CTPS1: variants seen among roughly 807,000 people sequenced by gnomAD.
The protein encoded by CTPS1 is CTP synthetase 1.
Under a neutral mutation model 80.5 loss-of-function variants are expected in CTPS1, and 25 were observed. The observed-to-expected ratio is 0.31, with a 90% CI of 0.23 to 0.43. The LOEUF (loss-of-function observed/expected upper bound fraction) is 0.43, where lower values mean the gene tolerates loss of function less well. Ranked by LOEUF, CTPS1 falls within the 20% of genes least tolerant of loss-of-function variation. The pLI is 1.00. For missense variants in CTPS1, 442 were observed against 725.7 expected (o/e 0.61, Z 4.49); for synonymous variants, 267 against 252.5 (o/e 1.06, Z -0.54).
chr1:40,991,252 A>G lies in CTPS1; in HGVS notation c.639+4A>G, dbSNP rs781456987. On this transcript the variant is annotated splice_donor_region_variant and intron_variant, in intron 6 of 18. Transcript: ENST00000650070. ...ACTTGGGCTTTCCCCAGATCTGGTA[A>G]GATTTCCTGATAGCTGGTTGCAGTG... 3.8e-6 allele frequency: 6 copies of G among 1,576,082 alleles called. No individual in the cohort carries two copies. In the African/African-American group the frequency reaches 8.3e-5, roughly 22 times the overall value.
chr1:40,980,661 A>G (rs1349466395), intron 1 of CTPS1: 1 of 152,112 alleles, frequency 6.6e-6, no homozygotes, highest in Non-Finnish European at 1.5e-5. Flanking sequence ...AAGAAAAAGC[A>G]TTTCCCCCCT....
At chr1:41,005,872 C>T (rs1643020917) in intron 12 of CTPS1, among the ~76,000 whole-genome samples, 179 bp from the exon 13 acceptor site, 1 of 152,148 alleles carries the variant, frequency 6.6e-6, no homozygotes, top group African/African-American at 2.4e-5. Flanking sequence ...CCACTGCACT[C>T]CAGCCTGGAC....
intron 9 of CTPS1, among the ~76,000 whole-genome samples, chr1:40,999,219 A>AGGGCTT (rs1164146733): frequency 6.6e-6 from 1 of 152,138 alleles, no homozygotes; most frequent in East Asian, 1.9e-4. Context: ...AGCACGTCCA[A>AGGGCTT]GGGCTTGGAG....
chr1:41,000,892 G>A (rs1642887204), intron 9 of CTPS1, 137 bp from the exon 10 acceptor site: 1 of 481,828 alleles, frequency 2.1e-6, no homozygotes, highest in Non-Finnish European at 3.7e-6. Context: ...TCACTTTAAA[G>A]CCAGTATTAA....
At chr1:40,985,122 A>G (rs1642420232) in intron 3 of CTPS1, 131 bp downstream of exon 3, 1 of 538,406 alleles carries the variant, frequency 1.9e-6, no homozygotes, top group Non-Finnish European at 2.9e-6. Flanking sequence ...TCAGCATGAA[A>G]CTCTCAAGGT....
At position 41,010,181 on chromosome 1, in the gene CTPS1, G is replaced by A. The variant is rs17856308; in HGVS notation, c.1712G>A (p.Ser571Asn). 6.2e-7 allele frequency: 1 copy of A among 1,613,888 alleles called. No individual in the cohort carries two copies. Among genetic ancestry groups the A allele is most frequent in the Non-Finnish European group, 8.5e-7 (1 of 1,179,730 alleles). The change falls in exon 18 of 19, where the codon AGT (serine) becomes AAT (asparagine). Residue 571 changes from serine (S) to asparagine (N), a missense_variant. Physicochemically the swap from Ser to Asn is conservative, Grantham distance 46. Coordinates refer to ENST00000650070, the MANE Select transcript of CTPS1 (RefSeq NM_001905.4). ...TACAGGGACACCTATAGTGACAGGA[G>A]TGGAAGCAGCTCCCCTGACTCTGAA... ...LSPRDTYSDR[S>N]GSSSPDSEIT...
At chr1:40,994,437 T>C in intron 7 of CTPS1, among the ~76,000 whole-genome samples, 1 of 152,358 alleles carries the variant, frequency 6.6e-6, no homozygotes, top group Middle Eastern at 3.4e-3. Context: ...TATTTATAGC[T>C]ATTCATAATT....
chr1:40,997,292 C>T, intron 8 of CTPS1, 102 bp from the exon 9 acceptor site: 2 of 1,397,062 alleles, frequency 1.4e-6, no homozygotes, highest in Non-Finnish European at 2.0e-6. Context: ...GTGAGCTCAT[C>T]CTGGCCAGAC....
Position 40,987,290 on chromosome 1 carries a change from GTTTGT to G in CTPS1, c.338-78_338-74del, listed in dbSNP as rs536525625. The G allele has an allele frequency of 3.9e-3, 3,884 of 1,004,518 alleles. 11 individuals are homozygous for G. The highest frequency in any genetic ancestry group is 5.4e-3 in the Non-Finnish European group (3,421 of 636,764). 62.2% of individuals were successfully genotyped at this position (1,004,518 alleles called of 1,614,324 possible). Reference sequence around the variant, plus strand: ...CTCTCTCCAGGCAAAGAGTGCTGCAGTTTGTTTTCACAGTAAGTGCATTTGTCTCA... The same window carrying G: ...CTCTCTCCAGGCAAAGAGTGCTGCAGTTTCACAGTAAGTGCATTTGTCTCA... On this transcript the variant is annotated intron_variant, in intron 3 of 18. Transcript: ENST00000650070.
At position 41,007,580 on chromosome 1, in the gene CTPS1, T is replaced by C. The variant is rs1570982264; in HGVS notation, c.1393+35T>C. The C allele has an allele frequency of 6.3e-7, 1 of 1,581,970 alleles. No individual in the cohort carries two copies. The highest frequency in any genetic ancestry group is 1.1e-5 in the South Asian group (1 of 90,348). On this transcript the variant is annotated intron_variant, in intron 14 of 18. Coordinates refer to ENST00000650070, the MANE Select transcript of CTPS1 (RefSeq NM_001905.4). This position sits in a 1 kb window ranked among gnomAD's most constrained non-coding sequence, Gnocchi z 4.4. ...GCCTCACGCTGGCCCAGCCTTTGGC[T>C]CTGCGTGCCCAGGACGCGTGTCTTA... is the stretch of plus-strand genomic sequence containing the variant.
intron 3 of CTPS1, 113 bp downstream of exon 3, chr1:40,985,104 A>T (rs1156768038): frequency 1.5e-6 from 1 of 655,678 alleles, no homozygotes; most frequent in African/African-American, 1.9e-5. Flanking sequence ...TTTACATTGT[A>T]TGTGATTTCA....
At chr1:40,991,340 T>G (rs1241097826) in intron 6 of CTPS1, 92 bp downstream of exon 6, 2 of 992,132 alleles carry the variant, frequency 2.0e-6, no homozygotes, top group Non-Finnish European at 3.0e-6. Flanking sequence ...TCTTGTTGGG[T>G]TGCTTTTGAT....
chr1:40,988,789 A>AT, intron 5 of CTPS1, 79 bp downstream of exon 5: 1 of 940,510 alleles, frequency 1.1e-6, no homozygotes. Flanking sequence ...ATTTTCACTC[A>AT]TTGTCTAGTA....
In CTPS1 at chr1:41,002,222, C is replaced by T; in HGVS notation, c.1157C>T (p.Ala386Val). The change falls in exon 11 of 19, where the codon GCC becomes GTC. Residue 386 changes from alanine to valine, a missense_variant. By Grantham distance (64) the Ala-to-Val change is moderately conservative. Around this residue, in one of 4 missense-constraint regions of CTPS1, gnomAD observed 321 missense variants for 467.2 expected, o/e 0.69. Transcript: ENST00000650070. ...ACAGAAGGAAAAATCCAAGCAATTG[C>T]CTGGGCTCGGAATCAGAAAAAGCCT... ...RGTEGKIQAI[A>V]WARNQKKPFL... 1 of 1,614,080 alleles carries T rather than the reference C, an allele frequency of 6.2e-7. No homozygotes were observed. Among genetic ancestry groups the T allele is most frequent in the Non-Finnish European group, 8.5e-7 (1 of 1,179,998 alleles).
At chr1:41,002,322 G>A (rs961914166) in intron 11 of CTPS1, 68 bp downstream of exon 11, 5 of 1,274,930 alleles carry the variant, frequency 3.9e-6, no homozygotes, top group Non-Finnish European at 5.7e-6. Context: ...CCACGTGGGA[G>A]CCTATGAACA....
chr1:40,984,775 A>G (rs769333191), intron 2 of CTPS1, 46 bp from the exon 3 acceptor site: 10 of 1,378,564 alleles, frequency 7.3e-6, no homozygotes, highest in Middle Eastern at 1.9e-4. Flanking sequence ...GTGCCATGGT[A>G]TAGGTATTTT....
Position 41,005,924 on chromosome 1 carries a change from A to G in CTPS1, c.1253-127A>G, listed in dbSNP as rs905102148. 1.4e-5 allele frequency: 10 copies of G among 740,602 alleles called. No individual in the cohort carries two copies. The African/African-American group carries it at 1.4e-4, about 10-fold the overall frequency. The allele number at this position is 740,602 out of a possible 1,614,324, so 45.9% of individuals were successfully genotyped here. On this transcript the variant is annotated intron_variant, in intron 12 of 18. Coordinates refer to ENST00000650070, the MANE Select transcript of CTPS1 (RefSeq NM_001905.4). ...CTGGGGATGAGGTCAGGGGGATGCT[A>G]TCTTTAGTTTTTGTTCTAATCACTG... is the stretch of plus-strand genomic sequence containing the variant.
rs570950143 is a variant in CTPS1, at chr1:40,993,544, C to T, written c.720+1699C>T. Reference sequence around the variant, plus strand: ...TAGAGATGAGGTCTTGCTATGGTTGCCCAGGCTGGTCTTGAACTCTTTGGG... The same window carrying T: ...TAGAGATGAGGTCTTGCTATGGTTGTCCAGGCTGGTCTTGAACTCTTTGGG... On this transcript the variant is annotated intron_variant, in intron 7 of 18. Transcript: ENST00000650070. 7.9e-5 allele frequency among the ~76,000 whole-genome samples: 12 copies of T among 152,090 alleles called. No homozygotes were observed. The South Asian group carries it at 1.9e-3, about 24-fold the overall frequency.
chr1:40,998,416 A>AAC (rs1553180427), intron 9 of CTPS1, among the ~76,000 whole-genome samples: 7 of 148,320 alleles, frequency 4.7e-5, no homozygotes, highest in Non-Finnish European at 7.5e-5. Context: ...AAAAAAAAAA[A>AAC]AAAAAACATG....
Sources: allele counts gnomAD v4.1 joint callset (sites outside exome capture counted in the v4.1 genomes callset), GRCh38; gene constraint gnomAD v4.1.1; regional missense constraint gnomAD v4.1.1; non-coding constraint Gnocchi (gnomAD v3.1); transcripts MANE v1.5; gene names NCBI Gene and HGNC (gene_info 2026-07-23, HGNC 2026-07-21).